DMXL2: variants seen among roughly 807,000 people sequenced by gnomAD.
The protein encoded by DMXL2 is dmX-like protein 2.
Under a neutral mutation model 331.1 loss-of-function variants are expected in DMXL2, and 103 were observed. That is an observed-to-expected ratio of 0.31 (90% CI 0.27 to 0.37). The LOEUF (loss-of-function observed/expected upper bound fraction) is 0.37. Among genes scored for constraint, DMXL2 ranks in the 10% least tolerant of loss-of-function variants. The probability of loss-of-function intolerance (pLI) is 1.00; values close to 1 mark genes in which losing one functional copy is unlikely to be tolerated. For missense variants in DMXL2, 3,171 were observed against 3,642.9 expected, an observed-to-expected ratio of 0.87 and a Z score of 3.33; for synonymous variants, 1,281 against 1,252.1, an observed-to-expected ratio of 1.02 and a Z score of -0.49.
intron 1 of DMXL2, among the ~76,000 whole-genome samples, chr15:51,583,103 CTTCT>C (rs1213150395): frequency 2.2e-5 from 2 of 89,530 alleles, no homozygotes; most frequent in African/African-American, 8.2e-5. Flanking sequence ...TTACTTCATT[CTTCT>C]TTTTTTTTTT....
chr15:51,469,375 T>C (rs1332995692), intron 29 of DMXL2, among the ~76,000 whole-genome samples: 1 of 152,206 alleles, frequency 6.6e-6, no homozygotes, highest in Non-Finnish European at 1.5e-5. Context: ...TCTCCTTTTG[T>C]GTATGTTGGA....
chr15:51,572,887 G>A (rs2050767167), intron 2 of DMXL2, among the ~76,000 whole-genome samples: 1 of 152,182 alleles, frequency 6.6e-6, no homozygotes, highest in African/African-American at 2.4e-5. Context: ...AGACAAGGAT[G>A]CCCTCTCTCA....
In DMXL2 at chr15:51,455,086, G is replaced by A. The variant is rs2039504685; in HGVS notation, c.8604+65C>T. The A allele has an allele frequency of 6.0e-6, 8 of 1,322,786 alleles. No individual in the cohort carries two copies. In the South Asian group the frequency reaches 9.5e-5, roughly 16 times the overall value. 81.9% of individuals were successfully genotyped at this position (1,322,786 alleles called of 1,614,324 possible). On this transcript the variant is annotated intron_variant, in intron 40 of 43. Coordinates refer to ENST00000560891, the MANE Select transcript of DMXL2 (RefSeq NM_001378457.1). ...GGACCACCAATGAGATTCACTGTCT[G>A]AAACAGACACTTCATGAACAAAGTG...
intron 33 of DMXL2, among the ~76,000 whole-genome samples, chr15:51,462,340 CTT>C (rs2040200972): frequency 6.6e-6 from 1 of 152,066 alleles, no homozygotes; most frequent in South Asian, 2.1e-4. Context: ...TTTGCCAAAT[CTT>C]TATTTTTTTT....
At chr15:51,569,450 T>C (rs1348394412) in intron 2 of DMXL2, among the ~76,000 whole-genome samples, 3 of 152,020 alleles carry the variant, frequency 2.0e-5, no homozygotes, top group Non-Finnish European at 4.4e-5. Context: ...AGAGCAGCAA[T>C]TCTCCCAGCA....
intron 1 of DMXL2, among the ~76,000 whole-genome samples, chr15:51,621,611 A>G (rs2054630441): frequency 6.6e-6 from 1 of 152,250 alleles, no homozygotes; most frequent in Non-Finnish European, 1.5e-5. Context: ...ACTCTCAAAA[A>G]GGACTGATGA....
At chr15:51,527,746 T>C (rs1486533124) in intron 13 of DMXL2, among the ~76,000 whole-genome samples, 1 of 151,212 alleles carries the variant, frequency 6.6e-6, no homozygotes, top group Non-Finnish European at 1.5e-5. Flanking sequence ...AGAAGTCATC[T>C]GAAGGTACAA....
chr15:51,543,115 T>C (rs2048694147), intron 8 of DMXL2, among the ~76,000 whole-genome samples: 1 of 152,208 alleles, frequency 6.6e-6, no homozygotes, highest in South Asian at 2.1e-4. Flanking sequence ...TCTATATGAT[T>C]AAAATTCTTC....
At chr15:51,573,523 A>G (rs998341310) in intron 2 of DMXL2, among the ~76,000 whole-genome samples, 1 of 152,240 alleles carries the variant, frequency 6.6e-6, no homozygotes, top group African/African-American at 2.4e-5. Flanking sequence ...GCCATAAAAA[A>G]GGATGAGTTC....
chr15:51,502,782 T>C, intron 17 of DMXL2, 24 bp downstream of exon 17: 1 of 1,526,446 alleles, frequency 6.6e-7, no homozygotes. Flanking sequence ...GAGCTACCAC[T>C]GCCCAGTCTT....
Position 51,549,300 on chromosome 15 carries a change from T to C in DMXL2, c.568-1892A>G, listed in dbSNP as rs530513592. 7.2e-4 allele frequency among the ~76,000 whole-genome samples: 108 copies of C among 149,902 alleles called. 1 individual carries two copies. Among genetic ancestry groups the C allele is most frequent in the Non-Finnish European group, 1.3e-3 (87 of 67,560 alleles). On this transcript the variant is annotated intron_variant, in intron 6 of 43. Coordinates refer to ENST00000560891, the MANE Select transcript of DMXL2 (RefSeq NM_001378457.1). The stretch of plus-strand genomic sequence containing the variant: ...GCGAATGTCATTTCATTCCTTTTTA[T>C]GGCTGAATAGCATTCCATGGTGTGT...
At position 51,500,329 on chromosome 15, in the gene DMXL2, A is replaced by C. The variant is rs551093501; in HGVS notation, c.2993-98T>G. On this transcript the variant is annotated intron_variant, in intron 17 of 43. Coordinates refer to ENST00000560891, the MANE Select transcript of DMXL2 (RefSeq NM_001378457.1). ...TCTGGAATGTGATCAATTTAAAGTC[A>C]CTATGAGCTTCTTCAGAATATCTCT... The C allele has an allele frequency of 5.8e-5, 71 of 1,218,472 alleles. No individual in the cohort carries two copies. In the South Asian group the frequency reaches 1.1e-3, roughly 19 times the overall value. 75.5% of individuals were successfully genotyped at this position (1,218,472 alleles called of 1,614,324 possible).
intron 1 of DMXL2, among the ~76,000 whole-genome samples, chr15:51,601,903 A>G (rs2053251981): frequency 6.6e-6 from 1 of 152,200 alleles, no homozygotes; most frequent in African/African-American, 2.4e-5. Flanking sequence ...AAGTCTCTCA[A>G]TAAAGTTTAT....
intron 2 of DMXL2, among the ~76,000 whole-genome samples, chr15:51,571,205 G>T (rs2050647952): frequency 1.3e-5 from 2 of 152,184 alleles, no homozygotes; most frequent in South Asian, 4.1e-4. Context: ...TTACATAATG[G>T]TAAAGGGATC....
rs891287045 is a variant in DMXL2, at chr15:51,550,611, A to G, written c.568-3203T>C. Reference sequence around the variant, plus strand: ...CTCAAAAAAAGAAAAGATAAATTCCATTTTTTGAAGAAAACAGGATACTTT... The same window carrying G: ...CTCAAAAAAAGAAAAGATAAATTCCGTTTTTTGAAGAAAACAGGATACTTT... On this transcript the variant is annotated intron_variant, in intron 6 of 43. Coordinates refer to ENST00000560891, the MANE Select transcript of DMXL2 (RefSeq NM_001378457.1). 8.5e-5 allele frequency among the ~76,000 whole-genome samples: 13 copies of G among 152,230 alleles called. No homozygotes were observed. In the South Asian group the frequency reaches 2.7e-3, roughly 32 times the overall value.
chr15:51,490,556 A>C (rs2140430828), intron 20 of DMXL2, among the ~76,000 whole-genome samples: 1 of 152,356 alleles, frequency 6.6e-6, no homozygotes, highest in South Asian at 2.1e-4. Flanking sequence ...GGCACAGGCT[A>C]AATCTAACAT....
rs1259716535 is a variant in DMXL2 at position 51,451,632 on chromosome 15, G to C, written c.8749+13C>G. The C allele has an allele frequency of 3.7e-6, 6 of 1,603,160 alleles. No individual in the cohort carries two copies. Among genetic ancestry groups the C allele is most frequent in the Non-Finnish European group, 5.1e-6 (6 of 1,172,090 alleles). On this transcript the variant is annotated intron_variant, in intron 42 of 43. Transcript: ENST00000560891. ...TCATGGTATATTTTTAAAAATCATA[G>C]ACCTTAACTCACCATGAATGAGGCT...
At chr15:51,559,870 T>G (rs887003845) in intron 6 of DMXL2, among the ~76,000 whole-genome samples, 1 of 152,202 alleles carries the variant, frequency 6.6e-6, no homozygotes, top group Non-Finnish European at 1.5e-5. Context: ...ATATCAACTT[T>G]GGAAAACAGA....
At chr15:51,621,702 T>A (rs539845368) in intron 1 of DMXL2, among the ~76,000 whole-genome samples, 1 of 152,238 alleles carries the variant, frequency 6.6e-6, no homozygotes, top group East Asian at 1.9e-4. Context: ...TACACTTTTC[T>A]CAAACAAGCA....
Sources: gnomAD v4.1 joint callset for allele counts (sites outside exome capture counted in the v4.1 genomes callset) on GRCh38, gnomAD v4.1.1 for gene constraint, MANE v1.5 for transcripts, NCBI Gene and HGNC (gene_info 2026-07-23, HGNC 2026-07-21) for gene names.